Variants in PEPD observed in about 807,000 individuals in gnomAD.
PEPD encodes peptidase D, also known as xaa-Pro dipeptidase.
In PEPD, 53 loss-of-function variants were observed where a neutral mutation model predicts 60.7. That is an observed-to-expected ratio of 0.87 (90% CI 0.70 to 1.10). PEPD has a LOEUF of 1.10. Ranked by LOEUF, PEPD falls within the 50% of genes least tolerant of loss-of-function variation. PEPD has a pLI of 0.00. For missense variants in PEPD, 711 were observed against 711.9 expected, an observed-to-expected ratio of 1.00 and a Z score of 0.01; for synonymous variants, 267 against 284.1, an observed-to-expected ratio of 0.94 and a Z score of 0.60.
chr19:33,425,156 G>A (rs1414893969), intron 9 of PEPD, among the ~76,000 whole-genome samples: 8 of 152,162 alleles, frequency 5.3e-5, no homozygotes, highest in African/African-American at 1.7e-4. Flanking sequence ...GATCACTTGA[G>A]GTCAGGAGTT....
Position 33,500,989 on chromosome 19 carries a change from C to T in PEPD, c.342G>A (p.Lys114=). The change falls in exon 4 of 15, where the codon AAG becomes AAA. Residue 114 remains lysine (K), a synonymous_variant. Transcript: ENST00000244137. ...CGGCATACTTCTCCTTGAAGTGCTC[C>T]TTGGAATGGATCCTCAAAGAAAAGC... ...HATWMGKIHS[K]EHFKEKYAVD... is the part of the protein sequence containing the mutation. 1.3e-6 allele frequency: 2 copies of T among 1,599,348 alleles called. No homozygotes were observed. The highest frequency in any genetic ancestry group is 8.6e-7 in the Non-Finnish European group (1 of 1,166,576).
In PEPD at chr19:33,401,913, C is replaced by T. The variant is rs142427375; in HGVS notation, c.819-44G>A. 2,333 of 1,598,810 alleles carry T rather than the reference C, an allele frequency of 1.5e-3. 24 individuals are homozygous for T. In the African/African-American group the frequency reaches 0.026, roughly 18 times the overall value. ...AGGGCAAGTGGGTACTGGGGTGCCA[C>T]CGCCCCCTTACCCTTACCGCTCCCC... On this transcript the variant is annotated intron_variant, in intron 11 of 14. Transcript: ENST00000244137.
intron 4 of PEPD, among the ~76,000 whole-genome samples, chr19:33,495,289 C>T (rs960098455): frequency 6.6e-5 from 10 of 151,768 alleles, no homozygotes; most frequent in East Asian, 3.9e-4. Context: ...AGGTGGATCG[C>T]GAGGTCAGGA....
intron 7 of PEPD, among the ~76,000 whole-genome samples, chr19:33,473,585 C>T (rs117294243): frequency 0.011 from 1,680 of 152,336 alleles, 26 homozygotes; most frequent in South Asian, 0.07. Context: ...TGCTGACACG[C>T]CTGCTCTCCC....
intron 12 of PEPD, among the ~76,000 whole-genome samples, chr19:33,398,353 C>T (rs995355539): frequency 2.0e-5 from 3 of 152,218 alleles, no homozygotes; most frequent in Non-Finnish European, 2.9e-5. Context: ...CTGGATTTCA[C>T]GACTGCCCGT....
chr19:33,477,173 G>A (rs1410875327), intron 7 of PEPD: 1 of 152,312 alleles, frequency 6.6e-6, no homozygotes, highest in Non-Finnish European at 1.5e-5. Context: ...TTGTTTCTGT[G>A]AACGAGTGGT....
chr19:33,482,831 TA>T (rs1296106891), intron 6 of PEPD, among the ~76,000 whole-genome samples: 1 of 152,056 alleles, frequency 6.6e-6, no homozygotes, highest in African/African-American at 2.4e-5. Context: ...TTTTCAGCCA[TA>T]AAACAAAGTA....
At chr19:33,500,902 G>A (rs1970695896) in intron 4 of PEPD, 36 bp downstream of exon 4, 9 of 1,243,674 alleles carry the variant, frequency 7.2e-6, no homozygotes, top group Non-Finnish European at 1.1e-5. Context: ...CATGCTGGAA[G>A]CCCTGGGCTG....
intron 11 of PEPD, among the ~76,000 whole-genome samples, chr19:33,406,930 C>A (rs965798295): frequency 3.9e-5 from 6 of 152,294 alleles, no homozygotes; most frequent in African/African-American, 1.4e-4. Context: ...AGGCTGGCCA[C>A]CCACCCCCCA....
intron 6 of PEPD, among the ~76,000 whole-genome samples, chr19:33,488,288 G>T (rs1291490478): frequency 2.0e-5 from 3 of 152,136 alleles, no homozygotes; most frequent in African/African-American, 7.2e-5. Flanking sequence ...TCTGTGCCAG[G>T]CTCCAGGTGA....
At chr19:33,509,544 G>A (rs986509253) in intron 3 of PEPD, among the ~76,000 whole-genome samples, 3 of 152,218 alleles carry the variant, frequency 2.0e-5, no homozygotes, top group Admixed American at 2.0e-4. Context: ...AGCACTGGAA[G>A]CAGGGGAAGC....
chr19:33,421,146 T>C (rs1372782037), intron 9 of PEPD, among the ~76,000 whole-genome samples: 1 of 152,226 alleles, frequency 6.6e-6, no homozygotes, highest in African/African-American at 2.4e-5. Context: ...TTATGGGTAG[T>C]ACAGCCATGA....
chr19:33,478,967 G>A (rs1158740260), intron 6 of PEPD, among the ~76,000 whole-genome samples: 1 of 152,092 alleles, frequency 6.6e-6, no homozygotes, highest in African/African-American at 2.4e-5. Context: ...TTTCTCTCCT[G>A]ACTTAAAAGA....
At chr19:33,398,970 CA>C (rs2145341500) in intron 12 of PEPD, among the ~76,000 whole-genome samples, 1 of 152,282 alleles carries the variant, frequency 6.6e-6, no homozygotes, top group African/African-American at 2.4e-5. Flanking sequence ...TATTCATACT[CA>C]GGGGTGGCAG....
chr19:33,511,155 C>T lies in PEPD; in HGVS notation c.202G>A (p.Glu68Lys). 1 of 1,614,012 alleles carries T rather than the reference C, an allele frequency of 6.2e-7. No homozygotes were observed. The highest frequency in any genetic ancestry group is 2.2e-5 in the East Asian group (1 of 44,880). ...CCGAACGCCCAGTGAAAGAAGGACT[C>T]CTGTGGCGGGAACAAGAACTATTGT... ...CTDTGVLFRQ[E>K]SFFHWAFGVT... Residue 68 changes from glutamate (E) to lysine (K), a missense_variant and splice_region_variant, in exon 3 of 15, where the codon GAG becomes AAG. Physicochemically the swap from Glu to Lys is moderately conservative, Grantham distance 56. Coordinates refer to ENST00000244137, the MANE Select transcript of PEPD (RefSeq NM_000285.4).
chr19:33,389,862 G>C (rs1363729412), intron 13 of PEPD, among the ~76,000 whole-genome samples: 3 of 152,262 alleles, frequency 2.0e-5, no homozygotes, highest in African/African-American at 4.8e-5. Flanking sequence ...GGGCCTGCCC[G>C]GGGGACCTGC....
rs369197590 is a variant in PEPD at position 33,387,923 on chromosome 19, G to T, written c.1311C>A (p.Arg437=). Residue 437 remains arginine (R), a synonymous_variant, in exon 14 of 15, where the codon CGC becomes CGA. Transcript: ENST00000244137. ...AACCGCGAAAGCGCTGCAGGACCTC[G>T]CGGTTAAGGAAGGAGGCGCGGGCCG... ...ADPARASFLN[R]EVLQRFRGFG... The T allele has an allele frequency of 3.7e-5, 59 of 1,591,362 alleles. No homozygotes were observed. The highest frequency in any genetic ancestry group is 4.8e-5 in the Non-Finnish European group (56 of 1,169,752).
chr19:33,436,992 G>A (rs938567962), intron 9 of PEPD, among the ~76,000 whole-genome samples: 5 of 152,194 alleles, frequency 3.3e-5, no homozygotes, highest in Non-Finnish European at 7.4e-5. Flanking sequence ...CCTGGAGGAG[G>A]AGGAAAGAAA....
intron 11 of PEPD, among the ~76,000 whole-genome samples, chr19:33,411,214 C>T (rs1323692357): frequency 1.3e-5 from 2 of 152,186 alleles, no homozygotes; most frequent in East Asian, 3.9e-4. Context: ...CCGCAGAGGC[C>T]ACGGGCTCCT....
Sources: gnomAD v4.1 joint callset for allele counts (sites outside exome capture counted in the v4.1 genomes callset) on GRCh38, gnomAD v4.1.1 for gene constraint, MANE v1.5 for transcripts, NCBI Gene and HGNC (gene_info 2026-07-23, HGNC 2026-07-21) for gene names.